The following SCN2A variants were observed in gnomAD, a reference collection of about 807,000 sequenced individuals.
SCN2A encodes sodium channel protein type 2 subunit alpha.
Under a neutral mutation model 188.7 loss-of-function variants are expected in SCN2A, and 20 were observed. The observed-to-expected ratio is 0.11, with a 90% CI of 0.07 to 0.15. The LOEUF is 0.15. Among genes scored for constraint, SCN2A ranks in the 10% least tolerant of loss-of-function variants. The pLI, the probability that SCN2A is intolerant of heterozygous loss-of-function variation, is 1.00. For synonymous variants in SCN2A, 804 were observed against 833.1 expected, an observed-to-expected ratio of 0.97 and a Z score of 0.60; for missense variants, 1,278 against 2,445.0, an observed-to-expected ratio of 0.52 and a Z score of 10.07.
Position 165,295,823 on chromosome 2 carries a change from G to A in SCN2A, c.-1G>A. On this transcript the variant is annotated 5_prime_UTR_variant, in exon 2 of 27. Transcript: ENST00000375437. ...AGTGATTAAAGGAGCAGGATGAAAAGATGGCACAGTCAGTGCTGGTACCGC... is the reference window on the plus strand; with the variant it reads ...AGTGATTAAAGGAGCAGGATGAAAAAATGGCACAGTCAGTGCTGGTACCGC... 1.2e-6 allele frequency: 2 copies of A among 1,614,084 alleles called. No homozygotes were observed. Among genetic ancestry groups the A allele is most frequent in the South Asian group, 1.1e-5 (1 of 91,066 alleles).
intron 12 of SCN2A, among the ~76,000 whole-genome samples, chr2:165,325,816 G>A (rs1425212688): frequency 3.3e-5 from 5 of 152,020 alleles, no homozygotes; most frequent in Middle Eastern, 3.2e-3. Flanking sequence ...CACCATTAGT[G>A]ACAATCATAT....
At chr2:165,313,225 A>G (rs1192113330) in intron 8 of SCN2A, among the ~76,000 whole-genome samples, 1 of 151,916 alleles carries the variant, frequency 6.6e-6, no homozygotes, top group African/African-American at 2.4e-5. Flanking sequence ...TGCCCCACCT[A>G]TCCTTTTCTC....
Position 165,365,190 on chromosome 2 carries a change from A to G in SCN2A, c.3447A>G (p.Gly1149=). ...SSSEGSTVDI[G]APAEGEQPEV... Reference sequence around the variant, plus strand: ...CTGAAGGCAGCACGGTTGATATTGGAGCTCCCGCCGAGGGAGAACAGCCTG... The same window carrying G: ...CTGAAGGCAGCACGGTTGATATTGGGGCTCCCGCCGAGGGAGAACAGCCTG... Residue 1149 remains glycine (G), a synonymous_variant, in exon 18 of 27, where the codon GGA becomes GGG. Coordinates refer to ENST00000375437, the MANE Select transcript of SCN2A (RefSeq NM_001040142.2). The G allele has an allele frequency of 6.2e-7, 1 of 1,613,814 alleles. No homozygotes were observed.
intron 1 of SCN2A, among the ~76,000 whole-genome samples, chr2:165,291,500 TTTC>T (rs1696170512): frequency 8.0e-6 from 1 of 125,454 alleles, no homozygotes; most frequent in East Asian, 2.3e-4. Flanking sequence ...CTTTTCTTTC[TTTC>T]TTTCTTTCTT....
chr2:165,365,373 G>T (rs1252589686), intron 18 of SCN2A, 110 bp downstream of exon 18: 2 of 857,632 alleles, frequency 2.3e-6, no homozygotes, highest in Non-Finnish European at 3.8e-6. Flanking sequence ...CTATCTATCT[G>T]TATCTATCTA....
chr2:165,343,444 A>T (rs1246969941), intron 15 of SCN2A, among the ~76,000 whole-genome samples: 2 of 152,232 alleles, frequency 1.3e-5, no homozygotes, highest in African/African-American at 2.4e-5. Context: ...GAACTTAAAA[A>T]AATATATTTA....
chr2:165,376,326 TA>T (rs1701311426), intron 22 of SCN2A, among the ~76,000 whole-genome samples: 1 of 151,882 alleles, frequency 6.6e-6, no homozygotes. Flanking sequence ...ATTTGTCAAT[TA>T]AAAAATGAAT....
intron 1 of SCN2A, 93 bp from the exon 2 acceptor site, chr2:165,295,680 C>T: frequency 1.7e-6 from 2 of 1,181,882 alleles, no homozygotes; most frequent in South Asian, 2.7e-5. Flanking sequence ...ATCTGAGTTT[C>T]TATGCTGTAT....
intron 1 of SCN2A, among the ~76,000 whole-genome samples, chr2:165,264,956 C>A (rs1020780872): frequency 6.6e-6 from 1 of 151,866 alleles, no homozygotes; most frequent in Non-Finnish European, 1.5e-5. Flanking sequence ...TTTATAATAG[C>A]GTGATTTATA....
intron 20 of SCN2A, chr2:165,372,050 T>G (rs1392844704): frequency 6.6e-6 from 1 of 152,242 alleles, no homozygotes; most frequent in Non-Finnish European, 1.5e-5. Flanking sequence ...CTTTAACTTA[T>G]GCTTATCTCT....
chr2:165,294,155 A>AT, intron 1 of SCN2A: 1 of 937,642 alleles, frequency 1.1e-6, no homozygotes, highest in Non-Finnish European at 1.3e-6. Context: ...TATTATTCTT[A>AT]TTATGCTTAT....
chr2:165,320,917 A>G (rs1698043620), intron 11 of SCN2A, among the ~76,000 whole-genome samples: 2 of 152,188 alleles, frequency 1.3e-5, no homozygotes, highest in Non-Finnish European at 1.5e-5. Flanking sequence ...TCAGCTCCTC[A>G]TTACTTATGC....
chr2:165,364,304 A>G (rs1700611518), intron 17 of SCN2A, among the ~76,000 whole-genome samples: 2 of 152,190 alleles, frequency 1.3e-5, no homozygotes, highest in African/African-American at 4.8e-5. Context: ...GACCAGGTTA[A>G]AGACTGGGAT....
chr2:165,351,557 C>T (rs1699919147), intron 16 of SCN2A, among the ~76,000 whole-genome samples: 1 of 136,864 alleles, frequency 7.3e-6, no homozygotes, highest in Non-Finnish European at 1.6e-5. Context: ...GAGAAAAGAC[C>T]TTGTAGTTAG....
intron 3 of SCN2A, among the ~76,000 whole-genome samples, chr2:165,305,774 A>G (rs1346757444): frequency 1.3e-5 from 2 of 152,242 alleles, no homozygotes; most frequent in Non-Finnish European, 2.9e-5. Context: ...TGATAGATAT[A>G]TAAGAAAAGG....
At chr2:165,345,373 A>G (rs1183369070) in intron 16 of SCN2A, among the ~76,000 whole-genome samples, 1 of 152,150 alleles carries the variant, frequency 6.6e-6, no homozygotes, top group East Asian at 1.9e-4. Flanking sequence ...AAAAACATTA[A>G]TTGTCATTTC....
intron 1 of SCN2A, chr2:165,243,798 A>C (rs77185952): frequency 2.0e-5 from 3 of 152,036 alleles, no homozygotes; most frequent in Admixed American, 6.6e-5. Flanking sequence ...ATGGCAGTGG[A>C]AAGACTTGAA....
chr2:165,258,017 TG>T (rs1158921945), intron 1 of SCN2A, among the ~76,000 whole-genome samples: 3 of 152,190 alleles, frequency 2.0e-5, no homozygotes, highest in Non-Finnish European at 4.4e-5. Context: ...TTTTGTTTTT[TG>T]TTTTTTGCCT....
intron 1 of SCN2A, among the ~76,000 whole-genome samples, chr2:165,288,926 T>C (rs973535328): frequency 3.3e-5 from 5 of 152,122 alleles, no homozygotes; most frequent in Non-Finnish European, 5.9e-5. Flanking sequence ...TTTACATTAC[T>C]GTAATGTACC....
Sources: allele counts gnomAD v4.1 joint callset (sites outside exome capture counted in the v4.1 genomes callset), GRCh38; gene constraint gnomAD v4.1.1; transcripts MANE v1.5; gene names NCBI Gene and HGNC (gene_info 2026-07-23, HGNC 2026-07-21).